The following CRYL1 variants were observed in gnomAD, a reference collection of about 807,000 sequenced individuals.
CRYL1 encodes the protein lambda-crystallin homolog.
A neutral mutation model predicts 36.6 loss-of-function variants in CRYL1; 29 were observed. The observed-to-expected ratio is 0.79, with a 90% CI of 0.59 to 1.08. CRYL1 has a LOEUF of 1.08. Among genes scored for constraint, CRYL1 ranks in the 50% least tolerant of loss-of-function variants. The pLI, the probability that CRYL1 is intolerant of heterozygous loss-of-function variation, is 0.00. For synonymous variants in CRYL1, 152 were observed against 151.5 expected, an observed-to-expected ratio of 1.00 and a Z score of -0.02; for missense variants, 411 against 407.9, an observed-to-expected ratio of 1.01 and a Z score of -0.06.
intron 3 of CRYL1, among the ~76,000 whole-genome samples, chr13:20,464,118 C>T (rs558092398): frequency 3.3e-5 from 5 of 152,336 alleles, no homozygotes; most frequent in African/African-American, 9.6e-5. Flanking sequence ...TGAGTAAAAA[C>T]AAGCAAATTG....
intron 3 of CRYL1, among the ~76,000 whole-genome samples, chr13:20,441,382 GGT>G (rs2032348729): frequency 6.6e-6 from 1 of 152,134 alleles, no homozygotes; most frequent in South Asian, 2.1e-4. Context: ...ACTATTCTGA[GGT>G]GTGTGTCCAA....
chr13:20,444,190 A>G (rs1004777180), intron 3 of CRYL1, among the ~76,000 whole-genome samples: 1 of 152,228 alleles, frequency 6.6e-6, no homozygotes, highest in African/African-American at 2.4e-5. Flanking sequence ...GAAAGAGCAC[A>G]TCTATTTTCA....
At chr13:20,463,001 T>C (rs1427543710) in intron 3 of CRYL1, among the ~76,000 whole-genome samples, 1 of 152,166 alleles carries the variant, frequency 6.6e-6, no homozygotes, top group Non-Finnish European at 1.5e-5. Context: ...CTTATCCACA[T>C]TTTGTAAATG....
In CRYL1 at chr13:20,439,604, C is replaced by T. The variant is rs375891666; in HGVS notation, c.427G>A (p.Val143Met). Residue 143 changes from valine to methionine, a missense_variant, in exon 4 of 8, where the codon GTG becomes ATG. By Grantham distance (21) the Val-to-Met change is conservative (BLOSUM62 1). Transcript: ENST00000298248. ...AGLVHVKQCI[V>M]AHPVNPPYYI... Reference sequence around the variant, plus strand: ...TTTAAAATACTCACAGGATGAGCCACGATGCATTGCTTCACATGGACCAAG... The same window carrying T: ...TTTAAAATACTCACAGGATGAGCCATGATGCATTGCTTCACATGGACCAAG... 19 of 1,609,332 alleles carry T rather than the reference C, an allele frequency of 1.2e-5. 1 individual carries two copies. The highest frequency in any genetic ancestry group is 2.7e-5 in the African/African-American group (2 of 74,146).
chr13:20,428,787 G>A (rs190998024), intron 5 of CRYL1, among the ~76,000 whole-genome samples: 59 of 152,258 alleles, frequency 3.9e-4, no homozygotes, highest in Non-Finnish European at 7.5e-4. Context: ...GGCAGGGAAC[G>A]GCATTCCTCC....
intron 3 of CRYL1, among the ~76,000 whole-genome samples, chr13:20,450,605 T>C (rs1565968164): frequency 6.6e-6 from 1 of 152,202 alleles, no homozygotes. Context: ...ACTTTTACAC[T>C]GTTGGTGGGA....
At chr13:20,432,035 C>A in intron 5 of CRYL1, 67 bp downstream of exon 5, 1 of 1,611,222 alleles carries the variant, frequency 6.2e-7, no homozygotes, top group Non-Finnish European at 8.5e-7. Flanking sequence ...TCCTGCTCAA[C>A]TTTGAGAGGG....
chr13:20,497,237 G>A (rs1396667181), intron 2 of CRYL1, among the ~76,000 whole-genome samples: 3 of 151,482 alleles, frequency 2.0e-5, no homozygotes, highest in Non-Finnish European at 4.4e-5. Context: ...TGAGAGGCGA[G>A]AGCCATGCGT....
chr13:20,404,343 T>G (rs1593422279), intron 7 of CRYL1, 101 bp from the exon 8 acceptor site: 1 of 793,210 alleles, frequency 1.3e-6, no homozygotes, highest in East Asian at 2.6e-5. Context: ...GAAACTGCTT[T>G]CAAAGACAAA....
chr13:20,490,564 C>A (rs1283770334), intron 2 of CRYL1, among the ~76,000 whole-genome samples: 4 of 151,522 alleles, frequency 2.6e-5, no homozygotes. Context: ...ACTTAATATA[C>A]TTAAAATATT....
At chr13:20,413,623 G>A (rs2031580019) in intron 5 of CRYL1, among the ~76,000 whole-genome samples, 1 of 152,176 alleles carries the variant, frequency 6.6e-6, no homozygotes. Flanking sequence ...TGGGAGCTGA[G>A]ACTAAACACA....
intron 1 of CRYL1, among the ~76,000 whole-genome samples, chr13:20,522,975 G>A (rs1002936352): frequency 5.4e-5 from 7 of 129,076 alleles, no homozygotes; most frequent in African/African-American, 1.7e-4. Flanking sequence ...GGAGTGCAGT[G>A]GTGTGATCTT....
intron 4 of CRYL1, among the ~76,000 whole-genome samples, chr13:20,436,266 C>A (rs2032215905): frequency 6.6e-6 from 1 of 152,168 alleles, no homozygotes; most frequent in African/African-American, 2.4e-5. Context: ...CCCCACCAGC[C>A]CTGTCGGACC....
intron 2 of CRYL1, among the ~76,000 whole-genome samples, chr13:20,499,076 C>T (rs1433778210): frequency 6.6e-6 from 1 of 152,174 alleles, no homozygotes; most frequent in Non-Finnish European, 1.5e-5. Flanking sequence ...GGCATGGTGG[C>T]TCTTGCCTGT....
chr13:20,481,171 G>A lies in CRYL1; in HGVS notation c.276+8199C>T, dbSNP rs928148635. Among the ~76,000 whole-genome samples, 8 of 152,198 alleles carry A rather than the reference G, an allele frequency of 5.3e-5. No individual in the cohort carries two copies. The highest frequency in any genetic ancestry group is 1.9e-4 in the African/African-American group (8 of 41,444). Reference sequence around the variant, plus strand: ...CTTCGCAAGTGAAAACTGAAGGCTCGTGCTTCCAGATGATCTCGTGAGTGT... The same window carrying A: ...CTTCGCAAGTGAAAACTGAAGGCTCATGCTTCCAGATGATCTCGTGAGTGT... On this transcript the variant is annotated intron_variant, in intron 3 of 7. Coordinates refer to ENST00000298248, the MANE Select transcript of CRYL1 (RefSeq NM_015974.3). The surrounding 1 kb of genome is among the most constrained non-coding windows in gnomAD (Gnocchi z 4.1).
chr13:20,447,552 A>C (rs1011056620), intron 3 of CRYL1, among the ~76,000 whole-genome samples: 1 of 152,036 alleles, frequency 6.6e-6, no homozygotes, highest in Non-Finnish European at 1.5e-5. Flanking sequence ...ATTAGGTAAA[A>C]AGTAACAGAA....
At position 20,415,679 on chromosome 13, in the gene CRYL1, C is replaced by T. The variant is rs1026956225; in HGVS notation, c.634-2292G>A. On this transcript the variant is annotated intron_variant, in intron 5 of 7. Transcript: ENST00000298248. This position sits in a 1 kb window ranked among gnomAD's most constrained non-coding sequence, Gnocchi z 4.1. The stretch of plus-strand genomic sequence containing the variant: ...GTTTCCAGGAGAATTACAAAGCAAA[C>T]GCTTGGCCTCGCCTGCCGCAGACTC... Among the ~76,000 whole-genome samples, 5 of 152,228 alleles carry T rather than the reference C, an allele frequency of 3.3e-5. No homozygotes were observed. Among genetic ancestry groups the T allele is most frequent in the African/African-American group, 9.6e-5 (4 of 41,460 alleles).
chr13:20,406,364 GTTC>G (rs748209767), intron 6 of CRYL1, among the ~76,000 whole-genome samples: 11 of 152,170 alleles, frequency 7.2e-5, no homozygotes, highest in South Asian at 2.1e-4. Context: ...GCTTCAAATA[GTTC>G]TTCTCTCTCA....
chr13:20,473,076 T>C (rs1235903287), intron 3 of CRYL1: 1 of 152,258 alleles, frequency 6.6e-6, no homozygotes, highest in African/African-American at 2.4e-5. Flanking sequence ...GTGCCCGTAC[T>C]GCTCAGAGAG....
Sources: gnomAD v4.1 joint callset for allele counts (sites outside exome capture counted in the v4.1 genomes callset) on GRCh38, gnomAD v4.1.1 for gene constraint, Gnocchi (gnomAD v3.1) non-coding constraint, MANE v1.5 for transcripts, NCBI Gene and HGNC (gene_info 2026-07-23, HGNC 2026-07-21) for gene names.